Variants in ILRUN observed in about 807,000 individuals in gnomAD.
The protein encoded by ILRUN is inflammation and lipid regulator with UBA-like and NBR1-like domains, also known as protein ILRUN.
In ILRUN, 3 loss-of-function variants were observed where a neutral mutation model predicts 33.8. The observed-to-expected ratio is 0.09, with a 90% CI of 0.04 to 0.23. The LOEUF (loss-of-function observed/expected upper bound fraction) is 0.23. ILRUN is among the 10% of genes least tolerant of loss of function. ILRUN has a pLI of 1.00. For synonymous variants in ILRUN, 124 were observed against 138.9 expected (o/e 0.89, Z 0.75); for missense variants, 210 against 375.1 (o/e 0.56, Z 3.64).
intron 3 of ILRUN, among the ~76,000 whole-genome samples, chr6:34,635,569 G>GGA (rs1562011652): frequency 0.052 from 5,700 of 110,478 alleles, 214 homozygotes; most frequent in East Asian, 0.25. Context: ...GGAAGGAAGG[G>GGA]AGGGAGGGAG....
intron 4 of ILRUN, among the ~76,000 whole-genome samples, chr6:34,602,579 G>A (rs60220209): frequency 0.012 from 1,778 of 152,224 alleles, 40 homozygotes; most frequent in African/African-American, 0.038. Flanking sequence ...TAACTTGATC[G>A]TCAGATGCTC....
At chr6:34,636,399 T>C (rs1562012013) in intron 3 of ILRUN, among the ~76,000 whole-genome samples, 1 of 145,398 alleles carries the variant, frequency 6.9e-6, no homozygotes, top group African/African-American at 2.7e-5. Flanking sequence ...AATAAAAAGC[T>C]AAAGAAAGAT....
At chr6:34,599,815 T>C (rs538792457) in intron 4 of ILRUN, among the ~76,000 whole-genome samples, 13 of 152,334 alleles carry the variant, frequency 8.5e-5, no homozygotes, top group South Asian at 4.1e-4. Context: ...TGGAACCCTG[T>C]TCTCTCCCCA....
At chr6:34,616,803 G>GT in intron 3 of ILRUN, 2 of 694,752 alleles carry the variant, frequency 2.9e-6, no homozygotes, top group South Asian at 3.1e-5. Flanking sequence ...AGGATCAGAG[G>GT]TATCAATGGT....
At chr6:34,688,933 C>G (rs190548563) in intron 1 of ILRUN, among the ~76,000 whole-genome samples, 34 of 152,262 alleles carry the variant, frequency 2.2e-4, no homozygotes, top group African/African-American at 8.2e-4. Context: ...TTCACTCCAG[C>G]CTGGGCAACA....
intron 1 of ILRUN, 146 bp from the exon 2 acceptor site, chr6:34,654,925 G>A: frequency 1.6e-6 from 1 of 611,298 alleles, no homozygotes; most frequent in South Asian, 3.6e-5. Context: ...TTCTATTCTG[G>A]CTGAGGAACA....
At chr6:34,676,975 A>G (rs905939384) in intron 1 of ILRUN, among the ~76,000 whole-genome samples, 1 of 149,728 alleles carries the variant, frequency 6.7e-6, no homozygotes, top group Non-Finnish European at 1.5e-5. Flanking sequence ...CCCCAAATAA[A>G]TACATGGGTT....
At chr6:34,670,006 G>A (rs980191106) in intron 1 of ILRUN, among the ~76,000 whole-genome samples, 30 of 151,952 alleles carry the variant, frequency 2.0e-4, no homozygotes, top group Non-Finnish European at 3.4e-4. Flanking sequence ...CTGCCTCCCA[G>A]GTTCAAGCGA....
chr6:34,679,304 A>G (rs1207495907), intron 1 of ILRUN, among the ~76,000 whole-genome samples: 6 of 152,188 alleles, frequency 3.9e-5, no homozygotes, highest in African/African-American at 1.4e-4. Flanking sequence ...AATGCGTCCA[A>G]TCTTTATGAG....
intron 4 of ILRUN, among the ~76,000 whole-genome samples, chr6:34,603,829 A>G (rs553616404): frequency 6.6e-6 from 1 of 152,228 alleles, no homozygotes; most frequent in East Asian, 1.9e-4. Context: ...AAGTCTCCTA[A>G]TGTACGATGT....
intron 1 of ILRUN, chr6:34,685,286 A>T (rs1380872843): frequency 1.3e-5 from 2 of 152,168 alleles, no homozygotes; most frequent in African/African-American, 4.8e-5. Flanking sequence ...AACTGGCTGG[A>T]GTAAGGAAAA....
At chr6:34,613,140 G>A (rs1761795782) in intron 3 of ILRUN, among the ~76,000 whole-genome samples, 1 of 152,150 alleles carries the variant, frequency 6.6e-6, no homozygotes, top group Admixed American at 6.5e-5. Context: ...GAACCTAAGA[G>A]GAGGTGGAGG....
At chr6:34,616,892 A>G in intron 3 of ILRUN, 1 of 645,528 alleles carries the variant, frequency 1.5e-6, no homozygotes, top group Non-Finnish European at 2.9e-6. Flanking sequence ...GAAGCTCAAC[A>G]AGGCTTCAAT....
Position 34,683,439 on chromosome 6 carries a change from T to C in ILRUN, c.158+13007A>G, listed in dbSNP as rs867392951. On this transcript the variant is annotated intron_variant, in intron 1 of 4. Transcript: ENST00000374023. ...ATATACATATATATACATATATATA[T>C]ACATATATATATACATATATATACA... Among the ~76,000 whole-genome samples, 458 of 106,728 alleles carry C rather than the reference T, an allele frequency of 4.3e-3. 13 individuals carry two copies. The highest frequency in any genetic ancestry group is 5.6e-3 in the South Asian group (20 of 3,580). 70.0% of individuals were successfully genotyped at this position (106,728 alleles called of 152,430 possible).
chr6:34,665,109 G>A (rs1174243955), intron 1 of ILRUN, among the ~76,000 whole-genome samples: 2 of 151,526 alleles, frequency 1.3e-5, no homozygotes, highest in Non-Finnish European at 2.9e-5. Context: ...TAGGAGTACA[G>A]GTGCACACCA....
rs1399815892 is a variant in ILRUN at position 34,627,870 on chromosome 6, A to AT, written c.511+18730dup. On this transcript the variant is annotated intron_variant, in intron 3 of 4. Transcript: ENST00000374023. ...AGACATGCACCACCATACCCGGCTA[A>AT]TTTTTGTATTTTTAGTAGAGACAGG... is the stretch of plus-strand genomic sequence containing the variant. 2.0e-5 allele frequency among the ~76,000 whole-genome samples: 3 copies of AT among 151,664 alleles called. No homozygotes were observed. In the East Asian group the frequency reaches 5.8e-4, roughly 29 times the overall value.
intron 1 of ILRUN, among the ~76,000 whole-genome samples, chr6:34,684,528 T>C (rs1051502522): frequency 2.0e-5 from 3 of 152,312 alleles, no homozygotes; most frequent in South Asian, 4.1e-4. Context: ...TGAGCACCTA[T>C]GTACAAAGTA....
At chr6:34,629,003 T>G (rs978825397) in intron 3 of ILRUN, among the ~76,000 whole-genome samples, 2 of 152,100 alleles carry the variant, frequency 1.3e-5, no homozygotes, top group African/African-American at 4.8e-5. Flanking sequence ...CCCAGCTACT[T>G]GGGAGGCTGA....
intron 4 of ILRUN, among the ~76,000 whole-genome samples, chr6:34,603,462 G>A (rs892506783): frequency 9.9e-5 from 15 of 152,134 alleles, no homozygotes; most frequent in African/African-American, 3.1e-4. Flanking sequence ...GTGAAACCCC[G>A]TCTCTACTAA....
Sources: gnomAD v4.1 joint callset for allele counts (sites outside exome capture counted in the v4.1 genomes callset) on GRCh38, gnomAD v4.1.1 for gene constraint, MANE v1.5 for transcripts, NCBI Gene and HGNC (gene_info 2026-07-23, HGNC 2026-07-21) for gene names.